Variants in LNPK observed in about 807,000 individuals in gnomAD.
LNPK encodes the protein endoplasmic reticulum junction formation protein lunapark.
In LNPK, 29 loss-of-function variants were observed where a neutral mutation model predicts 55.2. That is an observed-to-expected ratio of 0.53 (90% CI 0.39 to 0.72). The LOEUF is 0.72. LNPK is among the 30% of genes least tolerant of loss of function. The pLI is 0.00. For synonymous variants in LNPK, 162 were observed against 168.2 expected, an observed-to-expected ratio of 0.96 and a Z score of 0.29; for missense variants, 467 against 494.8, an observed-to-expected ratio of 0.94 and a Z score of 0.53.
chr2:175,992,652 C>T (rs2105721840), intron 3 of LNPK, among the ~76,000 whole-genome samples: 1 of 152,084 alleles, frequency 6.6e-6, no homozygotes, highest in Non-Finnish European at 1.5e-5. Context: ...AAGTTAGTTA[C>T]TATTTTTAAA....
In LNPK at chr2:175,929,712, A is replaced by G. The variant is rs1335705712; in HGVS notation, c.*255T>C. ...TTTGCTTACTTTTAGAATGGACAAAAAAGTATCTAAAAGCTGTCTCAATAG... is the reference window on the plus strand; with the variant it reads ...TTTGCTTACTTTTAGAATGGACAAAGAAGTATCTAAAAGCTGTCTCAATAG... On this transcript the variant is annotated 3_prime_UTR_variant, in exon 13 of 13. Coordinates refer to ENST00000272748, the MANE Select transcript of LNPK (RefSeq NM_030650.3). The G allele has an allele frequency of 1.5e-6, 2 of 1,294,944 alleles. No homozygotes were observed. Among genetic ancestry groups the G allele is most frequent in the African/African-American group, 1.5e-5 (1 of 66,890 alleles). The allele number at this position is 1,294,944 out of a possible 1,614,324, so 80.2% of individuals were successfully genotyped here. A position where few individuals can be genotyped will look rare whatever the true frequency, so the allele number is the denominator to read the frequency against.
At chr2:175,936,978 C>A (rs775560198) in intron 12 of LNPK, among the ~76,000 whole-genome samples, 6 of 152,120 alleles carry the variant, frequency 3.9e-5, no homozygotes, top group Non-Finnish European at 5.9e-5. Context: ...AATCACAAAT[C>A]TTGTATTTTA....
At chr2:175,955,311 C>T (rs927175648) in intron 8 of LNPK, among the ~76,000 whole-genome samples, 1 of 152,268 alleles carries the variant, frequency 6.6e-6, no homozygotes, top group African/African-American at 2.4e-5. Context: ...AGAGTAAGCT[C>T]AACTGACCCG....
intron 9 of LNPK, among the ~76,000 whole-genome samples, chr2:175,942,345 T>G (rs1684893412): frequency 6.6e-6 from 1 of 152,166 alleles, no homozygotes; most frequent in South Asian, 2.1e-4. Flanking sequence ...GATTCCAGTA[T>G]CCACTGGGGG....
intron 4 of LNPK, among the ~76,000 whole-genome samples, chr2:175,982,838 G>A (rs889145961): frequency 6.6e-6 from 1 of 152,082 alleles, no homozygotes; most frequent in Non-Finnish European, 1.5e-5. Flanking sequence ...AGATATTGAC[G>A]ATATTAAGGA....
intron 12 of LNPK, among the ~76,000 whole-genome samples, chr2:175,931,313 A>G (rs958466766): frequency 1.3e-5 from 2 of 152,338 alleles, no homozygotes; most frequent in African/African-American, 4.8e-5. Context: ...AGTTCCTTGT[A>G]TAATAAAGGT....
At chr2:175,997,703 C>CTGTGTGTGTGTGTGTG (rs1491566543) in intron 1 of LNPK, among the ~76,000 whole-genome samples, 7 of 45,818 alleles carry the variant, frequency 1.5e-4, no homozygotes, top group Admixed American at 8.5e-4. Context: ...AAAACAAATG[C>CTGTGTGTGTGTGTGTG]TCTGTGTGTG....
chr2:175,947,596 G>A lies in LNPK; in HGVS notation c.590C>T (p.Pro197Leu). ...ACCAGGGGCAGAACTGTCCTTTGGT[G>A]GTCCAGGAGATACTGGAACTTGTGG... is the stretch of plus-strand genomic sequence containing the variant. ...PPPQVPVSPG[P>L]PKDSSAPGGP... The change falls in exon 9 of 13, where the codon CCA becomes CTA. Residue 197 changes from proline to leucine, a missense_variant. Pro to Leu is a moderately conservative substitution (Grantham distance 98). Transcript: ENST00000272748. 1 of 1,613,958 alleles carries A rather than the reference G, an allele frequency of 6.2e-7. No homozygotes were observed. Among genetic ancestry groups the A allele is most frequent in the Non-Finnish European group, 8.5e-7 (1 of 1,179,924 alleles).
intron 9 of LNPK, 29 bp downstream of exon 9, chr2:175,947,451 C>G: frequency 6.3e-7 from 1 of 1,579,198 alleles, no homozygotes; most frequent in Non-Finnish European, 8.7e-7. Flanking sequence ...ACAATATAAA[C>G]TGTAAATAAC....
chr2:175,990,422 A>G (rs1210569443), intron 4 of LNPK, among the ~76,000 whole-genome samples: 3 of 152,218 alleles, frequency 2.0e-5, no homozygotes, highest in Non-Finnish European at 4.4e-5. Flanking sequence ...CCAGATGCAG[A>G]TGCTGGTGCC....
At chr2:175,977,812 AG>A (rs543045971) in intron 5 of LNPK, among the ~76,000 whole-genome samples, 155 of 152,324 alleles carry the variant, frequency 1.0e-3, no homozygotes, top group African/African-American at 3.3e-3. Context: ...AATTGGTGGT[AG>A]CTTAAAGGAA....
intron 4 of LNPK, among the ~76,000 whole-genome samples, chr2:175,983,760 T>C (rs1687283785): frequency 6.6e-6 from 1 of 151,998 alleles, no homozygotes; most frequent in South Asian, 2.1e-4. Flanking sequence ...GGTTAAACTT[T>C]TTTTAAAAAA....
intron 8 of LNPK, among the ~76,000 whole-genome samples, chr2:175,950,769 A>C (rs1685357305): frequency 1.3e-5 from 2 of 152,088 alleles, no homozygotes; most frequent in Middle Eastern, 6.3e-3. Flanking sequence ...TGTTGTAAAG[A>C]TTAAATGACA....
intron 6 of LNPK, chr2:175,967,866 A>G: frequency 1.8e-6 from 1 of 560,370 alleles, no homozygotes; most frequent in African/African-American, 2.0e-5. Flanking sequence ...CAAAAATGTA[A>G]CATTTTAAGC....
rs563266802 is a variant in LNPK at position 175,988,215 on chromosome 2, CGAT to C, written c.257+4013_257+4015del. The stretch of plus-strand genomic sequence containing the variant: ...GAGATTTAGCAATATATAAATCTAA[CGAT>C]GAGCTGGGCGTGGTGGCTCATGCCT... On this transcript the variant is annotated intron_variant, in intron 4 of 12. Coordinates refer to ENST00000272748, the MANE Select transcript of LNPK (RefSeq NM_030650.3). Among the ~76,000 whole-genome samples the C allele has an allele frequency of 1.8e-4, 28 of 152,042 alleles. No homozygotes were observed. In the South Asian group the frequency reaches 5.8e-3, roughly 32 times the overall value.
At chr2:175,933,353 A>C (rs1559023232) in intron 12 of LNPK, among the ~76,000 whole-genome samples, 1 of 152,206 alleles carries the variant, frequency 6.6e-6, no homozygotes, top group Non-Finnish European at 1.5e-5. Flanking sequence ...GTTCTTGAAA[A>C]AATAATTTCT....
At chr2:175,945,510 GAAA>G (rs758611547) in intron 9 of LNPK, among the ~76,000 whole-genome samples, 1 of 105,086 alleles carries the variant, frequency 9.5e-6, no homozygotes, top group Non-Finnish European at 1.9e-5. Flanking sequence ...TGTCTCAAAA[GAAA>G]AAAAAAAAAA....
chr2:175,937,319 G>A (rs761330744), intron 12 of LNPK, 25 bp downstream of exon 12: 39 of 1,600,010 alleles, frequency 2.4e-5, no homozygotes, highest in Non-Finnish European at 3.1e-5. Context: ...TTATTAAGGG[G>A]CAAAACTGTT....
In LNPK at chr2:175,963,822, C is replaced by T. The variant is rs115789851; in HGVS notation, c.493+550G>A. Among the ~76,000 whole-genome samples the T allele has an allele frequency of 6.5e-3, 988 of 151,798 alleles. 10 individuals are homozygous for T. Among genetic ancestry groups the T allele is most frequent in the African/African-American group, 0.022 (912 of 41,400 alleles). On this transcript the variant is annotated intron_variant, in intron 8 of 12. Transcript: ENST00000272748. ...TTTATGTAACCACTTAATATAATGA[C>T]GGTTAAAATTTTATATAACATTTAA... is the stretch of plus-strand genomic sequence containing the variant.
Sources: gnomAD v4.1 joint callset for allele counts (sites outside exome capture counted in the v4.1 genomes callset) on GRCh38, gnomAD v4.1.1 for gene constraint, MANE v1.5 for transcripts, NCBI Gene and HGNC (gene_info 2026-07-23, HGNC 2026-07-21) for gene names.